KDM2A: variants seen among roughly 807,000 people sequenced by gnomAD.
The protein encoded by KDM2A is lysine-specific demethylase 2A.
Under a neutral mutation model 137.3 loss-of-function variants are expected in KDM2A, and 3 were observed. The ratio of observed to expected loss-of-function variants is 0.02; its 90% CI spans 0.01 to 0.06. KDM2A has a LOEUF of 0.06. Among genes scored for constraint, KDM2A ranks in the 10% least tolerant of loss-of-function variants. The pLI is 1.00. For missense variants in KDM2A, 738 were observed against 1,510.6 expected (o/e 0.49, Z 8.48); for synonymous variants, 512 against 541.5 (o/e 0.95, Z 0.76).
At chr11:67,242,808 A>C (rs553280509) in intron 12 of KDM2A, among the ~76,000 whole-genome samples, 1 of 152,304 alleles carries the variant, frequency 6.6e-6, no homozygotes, top group Admixed American at 6.5e-5. Context: ...ATATTGCAGC[A>C]GCCTAAGTTT....
At chr11:67,148,536 C>T (rs144093571) in intron 2 of KDM2A, among the ~76,000 whole-genome samples, 3 of 152,156 alleles carry the variant, frequency 2.0e-5, no homozygotes, top group African/African-American at 7.2e-5. Flanking sequence ...CGTGGTGGCT[C>T]ATGCCTGTAA....
chr11:67,252,292 T>A (rs1237844919), intron 17 of KDM2A: 2 of 220,268 alleles, frequency 9.1e-6, no homozygotes, highest in Admixed American at 5.2e-5. Flanking sequence ...GCAGGCCTTC[T>A]TAGCTTTAGA....
chr11:67,234,518 A>G (rs1858810534), intron 12 of KDM2A, among the ~76,000 whole-genome samples: 1 of 152,230 alleles, frequency 6.6e-6, no homozygotes, highest in South Asian at 2.1e-4. Flanking sequence ...GCGTTGAAGA[A>G]CAAGTCATAG....
At chr11:67,188,285 A>G (rs551729823) in intron 5 of KDM2A, among the ~76,000 whole-genome samples, 21 of 152,108 alleles carry the variant, frequency 1.4e-4, no homozygotes, top group Admixed American at 1.2e-3. Flanking sequence ...GATCGAGACC[A>G]TCCTGGCTAA....
At chr11:67,160,798 A>T (rs1289084617) in intron 2 of KDM2A, among the ~76,000 whole-genome samples, 1 of 152,096 alleles carries the variant, frequency 6.6e-6, no homozygotes, top group Non-Finnish European at 1.5e-5. Flanking sequence ...AAAAAATGAG[A>T]TAGACCTTCT....
At chr11:67,249,843 A>T (rs536022996) in intron 16 of KDM2A, among the ~76,000 whole-genome samples, 1 of 152,328 alleles carries the variant, frequency 6.6e-6, no homozygotes, top group East Asian at 1.9e-4. Context: ...GCAATTAAAA[A>T]TGGTCAGGCC....
At chr11:67,152,970 T>TA in intron 2 of KDM2A, among the ~76,000 whole-genome samples, 1 of 149,892 alleles carries the variant, frequency 6.7e-6, no homozygotes, top group Non-Finnish European at 1.5e-5. Flanking sequence ...GAATTCCTCT[T>TA]ATAGTGTTCA....
At chr11:67,161,832 A>G (rs968406787) in intron 2 of KDM2A, among the ~76,000 whole-genome samples, 4 of 152,210 alleles carry the variant, frequency 2.6e-5, no homozygotes, top group African/African-American at 4.8e-5. Flanking sequence ...TTCTAGAACT[A>G]TATCATGTGT....
chr11:67,157,329 A>C (rs536889843), intron 2 of KDM2A, among the ~76,000 whole-genome samples: 16 of 151,342 alleles, frequency 1.1e-4, no homozygotes, highest in South Asian at 6.3e-4. Flanking sequence ...AAAAAAAAAA[A>C]AACAAAAAAC....
intron 5 of KDM2A, among the ~76,000 whole-genome samples, chr11:67,206,122 A>G (rs1412346897): frequency 6.6e-6 from 1 of 152,236 alleles, no homozygotes; most frequent in Non-Finnish European, 1.5e-5. Flanking sequence ...TAAGTAGTAT[A>G]GGAGCTGAGA....
rs112912149 is a variant in KDM2A at position 67,166,187 on chromosome 11, T to C, written c.43-13892T>C. 7.7e-4 allele frequency among the ~76,000 whole-genome samples: 110 copies of C among 143,474 alleles called. 2 individuals are homozygous for C. The highest frequency in any genetic ancestry group is 2.3e-3 in the Admixed American group (33 of 14,334). The allele number at this position is 143,474 out of a possible 152,430, so 94.1% of individuals were successfully genotyped here. ...CTTTCAGGAGAAACAATATTTCTCT[T>C]TTTTTTTTTTTTTTTTTGAGACAGT... On this transcript the variant is annotated intron_variant, in intron 2 of 20. Transcript: ENST00000529006.
Position 67,119,876 on chromosome 11 carries a change from G to C in KDM2A, c.-257G>C, listed in dbSNP as rs1052048660. On this transcript the variant is annotated 5_prime_UTR_variant, in exon 1 of 21. Transcript: ENST00000529006. ...CGACTCCCGGTCTCCAAAGCCAGAA[G>C]AGAAGGTTTGATTCAGCAACTGTTT... The C allele has an allele frequency of 1.3e-5, 2 of 152,156 alleles. No individual in the cohort carries two copies. The highest frequency in any genetic ancestry group is 2.9e-5 in the Non-Finnish European group (2 of 68,032). The allele number at this position is 152,156 out of a possible 1,614,324, so 9.4% of individuals were successfully genotyped here.
chr11:67,184,870 CAAAA>C (rs770651000), intron 5 of KDM2A, among the ~76,000 whole-genome samples: 1 of 151,836 alleles, frequency 6.6e-6, no homozygotes, highest in African/African-American at 2.4e-5. Flanking sequence ...TAATAAAACA[CAAAA>C]AACCCTGGGG....
Position 67,255,705 on chromosome 11 carries a change from C to G in KDM2A, c.*650C>G, listed in dbSNP as rs2136472014. The G allele has an allele frequency of 2.6e-6, 1 of 391,684 alleles. No homozygotes were observed. The highest frequency in any genetic ancestry group is 1.9e-5 in the South Asian group (1 of 53,930). 24.3% of individuals were successfully genotyped at this position (391,684 alleles called of 1,614,324 possible). A position where few individuals can be genotyped will look rare whatever the true frequency, so the allele number is the denominator to read the frequency against. On this transcript the variant is annotated 3_prime_UTR_variant, in exon 21 of 21. Coordinates refer to ENST00000529006, the MANE Select transcript of KDM2A (RefSeq NM_012308.3). ...CACATAATTAGGTTTCCCACCCCAG[C>G]CTACCCGACTTACTTGCTAGTCTCT...
chr11:67,251,429 T>G (rs1258470304), intron 17 of KDM2A, among the ~76,000 whole-genome samples: 1 of 152,188 alleles, frequency 6.6e-6, no homozygotes, highest in African/African-American at 2.4e-5. Context: ...GGGAAAAAAT[T>G]GCTAGTGATG....
chr11:67,131,134 G>A (rs1855845255), intron 2 of KDM2A, among the ~76,000 whole-genome samples: 1 of 152,020 alleles, frequency 6.6e-6, no homozygotes, highest in South Asian at 2.1e-4. Flanking sequence ...AGACCAGCCT[G>A]GCCAACATGA....
chr11:67,191,690 TTAACA>T (rs1857358352), intron 5 of KDM2A, among the ~76,000 whole-genome samples: 1 of 152,164 alleles, frequency 6.6e-6, no homozygotes, highest in African/African-American at 2.4e-5. Flanking sequence ...GGAAACTACC[TTAACA>T]TAATAAAAGC....
Position 67,245,629 on chromosome 11 carries a change from A to T in KDM2A, c.1833+171A>T. 1 of 710,080 alleles carries T rather than the reference A, an allele frequency of 1.4e-6. No homozygotes were observed. Among genetic ancestry groups the T allele is most frequent in the Non-Finnish European group, 2.3e-6 (1 of 437,026 alleles). The allele number at this position is 710,080 out of a possible 1,614,324, so 44.0% of individuals were successfully genotyped here. A position where few individuals can be genotyped will look rare whatever the true frequency, so the allele number is the denominator to read the frequency against. On this transcript the variant is annotated intron_variant, in intron 14 of 20. Coordinates refer to ENST00000529006, the MANE Select transcript of KDM2A (RefSeq NM_012308.3). The surrounding 1 kb of genome is among the most constrained non-coding windows in gnomAD (Gnocchi z 4.1). ...CCCCAGGTTTAGATAGAAGGTATCTAGTACTAAAAATCCGATTTAATCTTT... is the reference window on the plus strand; with the variant it reads ...CCCCAGGTTTAGATAGAAGGTATCTTGTACTAAAAATCCGATTTAATCTTT...
chr11:67,131,231 G>A (rs1369935977), intron 2 of KDM2A, among the ~76,000 whole-genome samples: 1 of 151,654 alleles, frequency 6.6e-6, no homozygotes, highest in Non-Finnish European at 1.5e-5. Flanking sequence ...GGCTGAGGTG[G>A]GAGAATCGCC....
Sources: gnomAD v4.1 joint callset for allele counts (sites outside exome capture counted in the v4.1 genomes callset) on GRCh38, gnomAD v4.1.1 for gene constraint, Gnocchi (gnomAD v3.1) non-coding constraint, MANE v1.5 for transcripts, NCBI Gene and HGNC (gene_info 2026-07-23, HGNC 2026-07-21) for gene names.